Variants in SLC22A24 observed in about 807,000 individuals in gnomAD.
SLC22A24 encodes steroid transmembrane transporter SLC22A24.
In SLC22A24, 53 loss-of-function variants were observed where a neutral mutation model predicts 49.8. The ratio of observed to expected loss-of-function variants is 1.06; its 90% CI spans 0.85 to 1.34. SLC22A24 has a LOEUF of 1.34. Among genes scored for constraint, SLC22A24 ranks in the 40% most tolerant of loss-of-function variants. SLC22A24 has a pLI of 0.00. For synonymous variants in SLC22A24, 302 were observed against 256.4 expected, an observed-to-expected ratio of 1.18 and a Z score of -1.70; for missense variants, 786 against 675.9, an observed-to-expected ratio of 1.16 and a Z score of -1.81.
intron 2 of SLC22A24, among the ~76,000 whole-genome samples, chr11:63,134,094 G>A (rs1466220669): frequency 1.3e-5 from 2 of 152,280 alleles, no homozygotes; most frequent in East Asian, 1.9e-4. Flanking sequence ...CCAGGTTAGA[G>A]GTGCAATGTC....
At chr11:63,132,317 T>A (rs2087342510) in intron 2 of SLC22A24, among the ~76,000 whole-genome samples, 1 of 152,224 alleles carries the variant, frequency 6.6e-6, no homozygotes, top group African/African-American at 2.4e-5. Flanking sequence ...CCAGTTTTTT[T>A]CCCTTGCTGG....
At chr11:63,114,662 T>C (rs867190848) in intron 4 of SLC22A24, among the ~76,000 whole-genome samples, 9 of 152,244 alleles carry the variant, frequency 5.9e-5, no homozygotes, top group African/African-American at 1.9e-4. Context: ...TTTTCAGCTT[T>C]TCTGCTCTGT....
At chr11:63,124,208 C>A (rs989154920) in intron 2 of SLC22A24, among the ~76,000 whole-genome samples, 1 of 152,128 alleles carries the variant, frequency 6.6e-6, no homozygotes, top group Non-Finnish European at 1.5e-5. Flanking sequence ...AGGGATACAG[C>A]AGCCAGATCT....
chr11:63,143,378 C>T lies in SLC22A24; in HGVS notation c.402G>A (p.Glu134=). 1 of 1,444,604 alleles carries T rather than the reference C, an allele frequency of 6.9e-7. No individual in the cohort carries two copies. Among genetic ancestry groups the T allele is most frequent in the Non-Finnish European group, 9.1e-7 (1 of 1,096,792 alleles). The allele number at this position is 1,444,604 out of a possible 1,614,324, so 89.5% of individuals were successfully genotyped here. ...AGAAGATTTACATGGGGCCTCTTAC[C>T]TCAGTCACGATGGTGGAGAGGAAAG... The part of the protein sequence containing the change: ...RSSFLSTIVT[E]WDLVCESQSL... Residue 134 remains glutamate, a splice_region_variant and synonymous_variant, in exon 1 of 10, where the codon GAG becomes GAA. Transcript: ENST00000612278.
chr11:63,087,024 G>GCACACACACACACACACA (rs1555045310), intron 6 of SLC22A24, among the ~76,000 whole-genome samples: 82 of 132,624 alleles, frequency 6.2e-4, no homozygotes, highest in African/African-American at 1.1e-3. Flanking sequence ...CCTGGAGGGC[G>GCACACACACACACACACA]CACACACACA....
rs1451661944 is a variant in SLC22A24 at position 63,083,603 on chromosome 11, A to G, written c.1071-146T>C. Reference sequence around the variant, plus strand: ...TGTTTTTCCTTTTAAAAAAGGGATCATTCTGTTTTATAGACTATTTCCTTT... The same window carrying G: ...TGTTTTTCCTTTTAAAAAAGGGATCGTTCTGTTTTATAGACTATTTCCTTT... On this transcript the variant is annotated intron_variant, in intron 6 of 9. Coordinates refer to ENST00000612278, the MANE Select transcript of SLC22A24 (RefSeq NM_001136506.2). 6.3e-6 allele frequency: 4 copies of G among 633,030 alleles called. No homozygotes were observed. In the East Asian group the frequency reaches 8.3e-5, roughly 13 times the overall value. 39.2% of individuals were successfully genotyped at this position (633,030 alleles called of 1,614,324 possible). A position where few individuals can be genotyped will look rare whatever the true frequency, so the allele number is the denominator to read the frequency against.
chr11:63,096,728 T>TG (rs1392062445), intron 5 of SLC22A24, among the ~76,000 whole-genome samples: 2 of 152,144 alleles, frequency 1.3e-5, no homozygotes, highest in African/African-American at 4.8e-5. Flanking sequence ...GGAAAAAAGT[T>TG]GGGGATGTGT....
intron 2 of SLC22A24, among the ~76,000 whole-genome samples, chr11:63,127,027 G>A (rs920658464): frequency 6.6e-6 from 1 of 152,118 alleles, no homozygotes; most frequent in African/African-American, 2.4e-5. Flanking sequence ...TGTGCACAAT[G>A]TGCAGGTTTG....
intron 2 of SLC22A24, among the ~76,000 whole-genome samples, chr11:63,124,546 A>G (rs919215985): frequency 1.3e-5 from 2 of 152,194 alleles, no homozygotes; most frequent in African/African-American, 4.8e-5. Flanking sequence ...TTCCTTTACT[A>G]TCTTCCAAAA....
chr11:63,127,340 G>A (rs1049580410), intron 2 of SLC22A24, among the ~76,000 whole-genome samples: 11 of 152,164 alleles, frequency 7.2e-5, no homozygotes, highest in Non-Finnish European at 1.2e-4. Context: ...AGTATTCCAT[G>A]GTGTATATGT....
At chr11:63,121,868 C>G (rs1256072430) in intron 2 of SLC22A24, among the ~76,000 whole-genome samples, 1 of 151,984 alleles carries the variant, frequency 6.6e-6, no homozygotes, top group Non-Finnish European at 1.5e-5. Context: ...CAATTCCCAC[C>G]TATGAGTGAG....
At chr11:63,136,424 A>G (rs2087375080) in intron 1 of SLC22A24, among the ~76,000 whole-genome samples, 2 of 152,228 alleles carry the variant, frequency 1.3e-5, no homozygotes, top group Admixed American at 1.3e-4. Context: ...ATTCTTCTCC[A>G]TGACAACATC....
At chr11:63,118,734 T>A (rs1402520093) in intron 4 of SLC22A24, 178 bp downstream of exon 4, 1 of 631,192 alleles carries the variant, frequency 1.6e-6, no homozygotes, top group Non-Finnish European at 2.8e-6. Context: ...AGTGCCAGCC[T>A]CCCCACATAT....
At chr11:63,129,398 G>A (rs1365561627) in intron 2 of SLC22A24, among the ~76,000 whole-genome samples, 1 of 152,190 alleles carries the variant, frequency 6.6e-6, no homozygotes, top group African/African-American at 2.4e-5. Flanking sequence ...ATAGTTTGAA[G>A]TCAGGTAGCG....
At chr11:63,089,108 C>T (rs2087003867) in intron 6 of SLC22A24, among the ~76,000 whole-genome samples, 1 of 152,054 alleles carries the variant, frequency 6.6e-6, no homozygotes, top group South Asian at 2.1e-4. Flanking sequence ...GAGCAAACCC[C>T]AAGACACATA....
chr11:63,133,633 T>TC (rs1342523686), intron 2 of SLC22A24, among the ~76,000 whole-genome samples: 1 of 151,758 alleles, frequency 6.6e-6, no homozygotes, highest in African/African-American at 2.4e-5. Context: ...CATCCTAGGT[T>TC]CTTTTTTTTT....
In SLC22A24 at chr11:63,111,853, T is replaced by G. The variant is rs1193585487; in HGVS notation, c.830+7059A>C. ...GTTTTTTGTGTCTCTATTTCCTTCATTTCTGCTCTGATTTTAGTTATTTCT... is the reference window on the plus strand; with the variant it reads ...GTTTTTTGTGTCTCTATTTCCTTCAGTTCTGCTCTGATTTTAGTTATTTCT... On this transcript the variant is annotated intron_variant, in intron 4 of 9. Transcript: ENST00000612278. 2.9e-4 allele frequency among the ~76,000 whole-genome samples: 44 copies of G among 151,990 alleles called. No individual in the cohort carries two copies. In the South Asian group the frequency reaches 3.5e-3, roughly 12 times the overall value.
At chr11:63,114,015 C>A (rs1379105570) in intron 4 of SLC22A24, among the ~76,000 whole-genome samples, 1 of 152,002 alleles carries the variant, frequency 6.6e-6, no homozygotes, top group African/African-American at 2.4e-5. Flanking sequence ...TCACTTCAAC[C>A]TTGGTGAATC....
At chr11:63,128,222 G>A (rs1436205452) in intron 2 of SLC22A24, among the ~76,000 whole-genome samples, 2 of 151,992 alleles carry the variant, frequency 1.3e-5, no homozygotes, top group Non-Finnish European at 2.9e-5. Context: ...GAAGGGTCAC[G>A]GTGAGAAGTG....
Sources: allele counts gnomAD v4.1 joint callset (sites outside exome capture counted in the v4.1 genomes callset), GRCh38; gene constraint gnomAD v4.1.1; transcripts MANE v1.5; gene names NCBI Gene and HGNC (gene_info 2026-07-23, HGNC 2026-07-21).